The following JAKMIP3 variants were observed in gnomAD, a reference collection of about 807,000 sequenced individuals.
The protein encoded by JAKMIP3 is janus kinase and microtubule-interacting protein 3.
Under a neutral mutation model 118.5 loss-of-function variants are expected in JAKMIP3, and 58 were observed. The observed-to-expected ratio is 0.49, with a 90% CI of 0.40 to 0.61. The LOEUF (loss-of-function observed/expected upper bound fraction) is 0.61, where lower values mean the gene tolerates loss of function less well. Ranked by LOEUF, JAKMIP3 falls within the 20% of genes least tolerant of loss-of-function variation. JAKMIP3 has a pLI of 0.00. For synonymous variants in JAKMIP3, 486 were observed against 451.2 expected, an observed-to-expected ratio of 1.08 and a Z score of -0.98; for missense variants, 950 against 1,109.0, an observed-to-expected ratio of 0.86 and a Z score of 2.04.
chr10:132,148,773 T>C (rs1025343022), intron 14 of JAKMIP3, among the ~76,000 whole-genome samples: 1 of 152,182 alleles, frequency 6.6e-6, no homozygotes, highest in Non-Finnish European at 1.5e-5. Flanking sequence ...CTGTGATTGT[T>C]TCACGGCAAG....
intron 11 of JAKMIP3, chr10:132,143,833 T>A (rs2135998912): frequency 6.6e-6 from 1 of 152,352 alleles, no homozygotes; most frequent in East Asian, 1.9e-4. Flanking sequence ...CAGCCCTCTG[T>A]GGGCTCCGTT....
chr10:132,071,935 C>T (rs2040019017), intron 1 of JAKMIP3, among the ~76,000 whole-genome samples: 1 of 146,628 alleles, frequency 6.8e-6, no homozygotes, highest in Admixed American at 7.0e-5. Context: ...TCCTTTCTTT[C>T]CTTTTTTTCC....
rs570394148 is a variant in JAKMIP3 at position 132,039,275 on chromosome 10, C to T, written c.-138+2537C>T. Reference sequence around the variant, plus strand: ...TGCTGGGATTATGGGCATGAGCCACCGTGCCCAGCCAGGACCTATGTCTCT... The same window carrying T: ...TGCTGGGATTATGGGCATGAGCCACTGTGCCCAGCCAGGACCTATGTCTCT... On this transcript the variant is annotated intron_variant, in intron 1 of 23. Transcript: ENST00000657785. Among the ~76,000 whole-genome samples the T allele has an allele frequency of 1.3e-4, 20 of 152,238 alleles. No homozygotes were observed. In the South Asian group the frequency reaches 2.5e-3, roughly 19 times the overall value.
intron 1 of JAKMIP3, among the ~76,000 whole-genome samples, chr10:132,053,787 C>A (rs186619424): frequency 1.3e-5 from 2 of 151,966 alleles, no homozygotes; most frequent in African/African-American, 4.8e-5. Context: ...GTAATCCCAG[C>A]ACTTTGGGAG....
chr10:132,166,897 TCG>T, intron 21 of JAKMIP3, 84 bp from the exon 22 acceptor site: 2 of 915,858 alleles, frequency 2.2e-6, no homozygotes, highest in Non-Finnish European at 3.5e-6. Flanking sequence ...CAGTCTGTAA[TCG>T]CGTGTATTTC....
intron 1 of JAKMIP3, among the ~76,000 whole-genome samples, chr10:132,086,918 A>G (rs369044512): frequency 6.6e-6 from 1 of 152,302 alleles, no homozygotes; most frequent in African/African-American, 2.4e-5. Flanking sequence ...TTGCCTGTAT[A>G]GCTTGGCTTT....
chr10:132,071,968 T>C (rs541623011), intron 1 of JAKMIP3, among the ~76,000 whole-genome samples: 64 of 151,928 alleles, frequency 4.2e-4, no homozygotes, highest in African/African-American at 1.5e-3. Context: ...CTTTCTTTTT[T>C]GAGATGGAGT....
intron 2 of JAKMIP3, among the ~76,000 whole-genome samples, chr10:132,115,195 CCGCGA>C (rs2047437301): frequency 1.0e-5 from 1 of 95,478 alleles, no homozygotes; most frequent in African/African-American, 5.4e-5. Context: ...TGGCAGGTCA[CCGCGA>C]TCGCGGCTAG....
intron 8 of JAKMIP3, 79 bp downstream of exon 8, chr10:132,137,368 C>A: frequency 6.4e-7 from 1 of 1,556,282 alleles, no homozygotes; most frequent in South Asian, 1.1e-5. Flanking sequence ...GTGCCCAGGG[C>A]TCCTCACAGA....
rs927560050 is a variant in JAKMIP3 at position 132,117,009 on chromosome 10, C to T, written c.136-68C>T. 6.5e-7 allele frequency: 1 copy of T among 1,527,508 alleles called. No homozygotes were observed. Among genetic ancestry groups the T allele is most frequent in the Non-Finnish European group, 8.8e-7 (1 of 1,133,600 alleles). 94.6% of individuals were successfully genotyped at this position (1,527,508 alleles called of 1,614,324 possible). On this transcript the variant is annotated intron_variant, in intron 2 of 23. Coordinates refer to ENST00000684848, the MANE Select transcript of JAKMIP3 (RefSeq NM_001323087.2). The surrounding 1 kb of genome is among the most constrained non-coding windows in gnomAD (Gnocchi z 8.6). Reference sequence around the variant, plus strand: ...TGCAACGTGGAAGCTCCCCCAAATGCACATTCAGGTGTGAGTGTGTGCATG... The same window carrying T: ...TGCAACGTGGAAGCTCCCCCAAATGTACATTCAGGTGTGAGTGTGTGCATG...
intron 9 of JAKMIP3, 28 bp downstream of exon 9, chr10:132,138,206 G>A (rs771765562): frequency 1.9e-6 from 3 of 1,584,942 alleles, no homozygotes; most frequent in African/African-American, 2.9e-5. Flanking sequence ...GGCACGTGCG[G>A]AGAGTACGCC....
intron 2 of JAKMIP3, among the ~76,000 whole-genome samples, chr10:132,114,631 G>A (rs540904788): frequency 6.6e-6 from 1 of 152,236 alleles, no homozygotes; most frequent in South Asian, 2.1e-4. Flanking sequence ...TTGGAGATTT[G>A]CATTTTTATA....
At chr10:132,038,685 G>A (rs746391613) in intron 1 of JAKMIP3, among the ~76,000 whole-genome samples, 32 of 151,720 alleles carry the variant, frequency 2.1e-4, no homozygotes, top group African/African-American at 4.8e-4. Flanking sequence ...CCAGCTCCTC[G>A]GGATGGTGAG....
At position 132,051,112 on chromosome 10, in the gene JAKMIP3, G is replaced by A. The variant is rs560509716; in HGVS notation, c.-138+14374G>A. ...CATGTTGGTCTTGTTAATTCCAGCC[G>A]TTCTGGTGAGTGGGTACCTGCCTGT... is the stretch of plus-strand genomic sequence containing the variant. On this transcript the variant is annotated intron_variant, in intron 1 of 23. Coordinates refer to the JAKMIP3 transcript ENST00000657785. 1.3e-4 allele frequency among the ~76,000 whole-genome samples: 18 copies of A among 141,226 alleles called. No homozygotes were observed. In the South Asian group the frequency reaches 3.8e-3, roughly 30 times the overall value. 92.6% of individuals were successfully genotyped at this position (141,226 alleles called of 152,430 possible).
At position 132,152,071 on chromosome 10, in the gene JAKMIP3, G is replaced by A. The variant is rs566351304; in HGVS notation, c.2008-887G>A. ...CTGTGGCCTGCCCAGCCCTGCCATG[G>A]GAGAAGGGAGCAGGGCAGGAGAGAT... is the stretch of plus-strand genomic sequence containing the variant. On this transcript the variant is annotated intron_variant, in intron 16 of 23. Transcript: ENST00000684848. Among the ~76,000 whole-genome samples the A allele has an allele frequency of 2.0e-5, 3 of 152,334 alleles. No individual in the cohort carries two copies. The South Asian group carries it at 6.2e-4, about 32-fold the overall frequency.
chr10:132,136,552 C>A (rs1363231944), intron 6 of JAKMIP3, among the ~76,000 whole-genome samples: 1 of 152,232 alleles, frequency 6.6e-6, no homozygotes, highest in Non-Finnish European at 1.5e-5. Flanking sequence ...CCCTGAGGAC[C>A]CCAAAGGCCA....
chr10:132,096,484 C>A (rs1159310867), intron 1 of JAKMIP3, among the ~76,000 whole-genome samples: 1 of 152,178 alleles, frequency 6.6e-6, no homozygotes, highest in Non-Finnish European at 1.5e-5. Context: ...GGTTACTGTA[C>A]TTGGTTAGTG....
At chr10:132,165,080 C>A (rs953518797) in intron 21 of JAKMIP3, among the ~76,000 whole-genome samples, 1 of 152,246 alleles carries the variant, frequency 6.6e-6, no homozygotes, top group Non-Finnish European at 1.5e-5. Flanking sequence ...ATCACTGAAG[C>A]CTGGGCTGTG....
chr10:132,073,493 C>CTTTTT (rs59985814), intron 1 of JAKMIP3, among the ~76,000 whole-genome samples: 1 of 134,904 alleles, frequency 7.4e-6, no homozygotes, highest in Non-Finnish European at 1.6e-5. Flanking sequence ...CCTATCTTTA[C>CTTTTT]TTTTTTTTTT....
Sources: allele counts gnomAD v4.1 joint callset (sites outside exome capture counted in the v4.1 genomes callset), GRCh38; gene constraint gnomAD v4.1.1; non-coding constraint Gnocchi (gnomAD v3.1); transcripts MANE v1.5; gene names NCBI Gene and HGNC (gene_info 2026-07-23, HGNC 2026-07-21).